TENM2: variants seen among roughly 807,000 people sequenced by gnomAD.
The protein encoded by TENM2 is teneurin transmembrane protein 2.
TENM2 carries 52 observed loss-of-function variants against 245.2 expected under a neutral mutation model. The ratio of observed to expected loss-of-function variants is 0.21; its 90% CI spans 0.17 to 0.27. The LOEUF (loss-of-function observed/expected upper bound fraction) is 0.27. TENM2 is among the 10% of genes least tolerant of loss of function. The pLI is 1.00. For missense variants in TENM2, 3,046 were observed against 3,666.8 expected, an observed-to-expected ratio of 0.83 and a Z score of 4.37; for synonymous variants, 1,363 against 1,438.9, an observed-to-expected ratio of 0.95 and a Z score of 1.19.
chr5:167,530,375 G>T (rs1223753908), intron 2 of TENM2, among the ~76,000 whole-genome samples: 1 of 152,188 alleles, frequency 6.6e-6, no homozygotes. Flanking sequence ...GAGTATGTTT[G>T]TGCAAACTGC....
chr5:168,034,123 A>ATATATATATGTATACATATATATATG (rs1562077473), intron 5 of TENM2, among the ~76,000 whole-genome samples: 1 of 73,734 alleles, frequency 1.4e-5, no homozygotes, highest in African/African-American at 5.9e-5. Flanking sequence ...ATATATGTGT[A>ATATATATATGTATACATATATATATG]TATATATATA....
chr5:167,016,860 A>G, the TENM2 span, among the ~76,000 whole-genome samples: 1 of 152,220 alleles, frequency 6.6e-6, no homozygotes, highest in Non-Finnish European at 1.5e-5. Context: ...GCTTTGTGGT[A>G]GAAAGGGAGA....
intron 2 of TENM2, among the ~76,000 whole-genome samples, chr5:167,843,353 A>G (rs569896152): frequency 5.3e-5 from 8 of 152,330 alleles, no homozygotes; most frequent in Middle Eastern, 3.4e-3. Flanking sequence ...CACTTTTGAA[A>G]GCACCAAACT....
chr5:168,170,314 G>A (rs2152468469), intron 13 of TENM2, among the ~76,000 whole-genome samples: 1 of 152,180 alleles, frequency 6.6e-6, no homozygotes, highest in Non-Finnish European at 1.5e-5. Flanking sequence ...GACCAGCCTG[G>A]CCAATATGGT....
the TENM2 span, among the ~76,000 whole-genome samples, chr5:167,211,974 G>C: frequency 6.6e-6 from 1 of 152,112 alleles, no homozygotes; most frequent in Non-Finnish European, 1.5e-5. Context: ...TGAGGGTATA[G>C]AAGTTACATC....
At chr5:167,587,096 G>A (rs1008235442) in intron 2 of TENM2, among the ~76,000 whole-genome samples, 4 of 152,126 alleles carry the variant, frequency 2.6e-5, no homozygotes, top group Admixed American at 2.6e-4. Context: ...GTTGTTTCCA[G>A]TGGGCAGTGA....
intron 2 of TENM2, among the ~76,000 whole-genome samples, chr5:167,727,440 A>G (rs1760104280): frequency 6.6e-6 from 1 of 152,136 alleles, no homozygotes; most frequent in Non-Finnish European, 1.5e-5. Flanking sequence ...ATTGTTTTTC[A>G]CATGCCTTGT....
At chr5:167,855,243 T>C (rs1242215530) in intron 2 of TENM2, among the ~76,000 whole-genome samples, 1 of 152,068 alleles carries the variant, frequency 6.6e-6, no homozygotes, top group Non-Finnish European at 1.5e-5. Context: ...TGGCTCCCTC[T>C]CTCACTTCCA....
At chr5:167,649,547 T>A (rs184734944) in intron 2 of TENM2, among the ~76,000 whole-genome samples, 1 of 152,300 alleles carries the variant, frequency 6.6e-6, no homozygotes, top group East Asian at 1.9e-4. Flanking sequence ...AGAAGTCTTT[T>A]GAGACTGTCT....
At chr5:167,249,950 AG>A in the TENM2 span, among the ~76,000 whole-genome samples, 1 of 152,190 alleles carries the variant, frequency 6.6e-6, no homozygotes, top group Admixed American at 6.6e-5. Flanking sequence ...GACTGTGAAC[AG>A]GGCTAAGTAA....
intron 2 of TENM2, among the ~76,000 whole-genome samples, chr5:167,420,232 C>G (rs1763419661): frequency 6.6e-6 from 1 of 152,150 alleles, no homozygotes; most frequent in African/African-American, 2.4e-5. Flanking sequence ...GCTATGAGAC[C>G]TTTTAATTTT....
intron 5 of TENM2, among the ~76,000 whole-genome samples, chr5:168,038,473 T>C (rs1399107876): frequency 6.6e-6 from 1 of 152,196 alleles, no homozygotes; most frequent in Non-Finnish European, 1.5e-5. Flanking sequence ...AACACCTTTA[T>C]GCCTCCACTC....
At position 168,204,722 on chromosome 5, in the gene TENM2, A is replaced by T. The variant is rs755711618; in HGVS notation, c.3824+101A>T. On this transcript the variant is annotated intron_variant, in intron 19 of 28. Transcript: ENST00000518659. Reference sequence around the variant, plus strand: ...CTGCATTTGGGATTCTCCAGAGAAGATATAGTCCTTGTGATCCAAAACCTA... The same window carrying T: ...CTGCATTTGGGATTCTCCAGAGAAGTTATAGTCCTTGTGATCCAAAACCTA... 44 of 1,450,026 alleles carry T rather than the reference A, an allele frequency of 3.0e-5. 1 individual carries two copies. The highest frequency in any genetic ancestry group is 1.2e-4 in the South Asian group (9 of 72,412). The allele number at this position is 1,450,026 out of a possible 1,614,324, so 89.8% of individuals were successfully genotyped here.
chr5:167,799,058 G>A (rs1765518468), intron 2 of TENM2, among the ~76,000 whole-genome samples: 1 of 152,148 alleles, frequency 6.6e-6, no homozygotes, highest in South Asian at 2.1e-4. Flanking sequence ...CAAGGGGACT[G>A]CATGGGCTTC....
rs373102703 is a variant in TENM2, at chr5:167,323,416, A to C, written c.226+38353A>C. ...GTATATGTGTATGGTGCATACATAC[A>C]TATATAATATGTGTGTTATATGTGT... On this transcript the variant is annotated intron_variant, in intron 1 of 28. Transcript: ENST00000518659. Among the ~76,000 whole-genome samples, 40 of 152,338 alleles carry C rather than the reference A, an allele frequency of 2.6e-4. 1 individual carries two copies. The South Asian group carries it at 7.5e-3, about 28-fold the overall frequency.
intron 2 of TENM2, among the ~76,000 whole-genome samples, chr5:167,823,262 G>A (rs1183643485): frequency 6.6e-6 from 1 of 152,128 alleles, no homozygotes; most frequent in African/African-American, 2.4e-5. Context: ...CAGATGCTTA[G>A]AATGCTTAGC....
intron 5 of TENM2, among the ~76,000 whole-genome samples, chr5:168,005,902 G>A (rs1311134328): frequency 6.6e-6 from 1 of 152,120 alleles, no homozygotes; most frequent in African/African-American, 2.4e-5. Context: ...AAAGACAGGA[G>A]AAGCATTCCT....
At chr5:167,020,553 C>A in the TENM2 span, among the ~76,000 whole-genome samples, 2 of 152,114 alleles carry the variant, frequency 1.3e-5, no homozygotes, top group African/African-American at 4.8e-5. Flanking sequence ...TTCCATCTGA[C>A]CTGAACTTCT....
At chr5:167,360,452 G>A (rs543649875) in intron 1 of TENM2, among the ~76,000 whole-genome samples, 1 of 152,092 alleles carries the variant, frequency 6.6e-6, no homozygotes, top group East Asian at 1.9e-4. Flanking sequence ...TTGTTCTTCC[G>A]GCCCAGGGTC....
Sources: gnomAD v4.1 joint callset for allele counts (sites outside exome capture counted in the v4.1 genomes callset) on GRCh38, gnomAD v4.1.1 for gene constraint, MANE v1.5 for transcripts, NCBI Gene and HGNC (gene_info 2026-07-23, HGNC 2026-07-21) for gene names.